Variants in MTSS1 observed in about 807,000 individuals in gnomAD.
The protein encoded by MTSS1 is protein MTSS 1.
A neutral mutation model predicts 79.0 loss-of-function variants in MTSS1; 18 were observed. That is an observed-to-expected ratio of 0.23 (90% CI 0.16 to 0.34). MTSS1 has a LOEUF of 0.34. MTSS1 is among the 10% of genes least tolerant of loss of function. MTSS1 has a pLI of 1.00. For missense variants in MTSS1, 815 were observed against 986.2 expected, an observed-to-expected ratio of 0.83 and a Z score of 2.33; for synonymous variants, 341 against 368.6, an observed-to-expected ratio of 0.93 and a Z score of 0.86.
In MTSS1 at chr8:124,565,848, G is replaced by A. The variant is rs138370168; in HGVS notation, c.727-89C>T. 891 of 1,120,034 alleles carry A rather than the reference G, an allele frequency of 8.0e-4. 12 individuals are homozygous for A. The East Asian group carries it at 0.018, about 23-fold the overall frequency. 69.4% of individuals were successfully genotyped at this position (1,120,034 alleles called of 1,614,324 possible). ...TTAACATCCACCAAAGCATCAAAACGCTGCCATCGTGGGGGTGGGAATGAA... is the reference window on the plus strand; with the variant it reads ...TTAACATCCACCAAAGCATCAAAACACTGCCATCGTGGGGGTGGGAATGAA... On this transcript the variant is annotated intron_variant, in intron 8 of 13. Transcript: ENST00000518547.
chr8:124,694,184 T>C (rs1166946760), intron 3 of MTSS1, among the ~76,000 whole-genome samples: 1 of 152,178 alleles, frequency 6.6e-6, no homozygotes, highest in African/African-American at 2.4e-5. Flanking sequence ...CCTGTAAGCC[T>C]GTGCCCTTAC....
At chr8:124,556,040 A>G in intron 12 of MTSS1, 136 bp from the exon 13 acceptor site, 1 of 1,540,970 alleles carries the variant, frequency 6.5e-7, no homozygotes, top group Non-Finnish European at 8.7e-7. Context: ...CTCTGACCCT[A>G]GAAAGTTCTG....
intron 9 of MTSS1, chr8:124,564,838 A>G (rs1826064985): frequency 6.6e-6 from 1 of 152,462 alleles, no homozygotes; most frequent in Non-Finnish European, 1.5e-5. Context: ...GTGAAAGGAA[A>G]TAGGCATCAG....
intron 9 of MTSS1, among the ~76,000 whole-genome samples, chr8:124,565,400 T>C (rs115948092): frequency 0.011 from 1,626 of 152,294 alleles, 33 homozygotes; most frequent in African/African-American, 0.038. Context: ...TCTCATAGAA[T>C]AGGAAAATCC....
At chr8:124,686,728 C>G (rs1320673131) in intron 3 of MTSS1, among the ~76,000 whole-genome samples, 5 of 152,138 alleles carry the variant, frequency 3.3e-5, no homozygotes, top group Non-Finnish European at 7.4e-5. Context: ...ATGCACAACA[C>G]GCCCCTCACA....
At chr8:124,677,418 T>C (rs12547754) in intron 3 of MTSS1, among the ~76,000 whole-genome samples, 24,126 of 152,232 alleles carry the variant, frequency 0.16, 2,158 homozygotes, top group Admixed American at 0.27. Context: ...CCTATGCCAC[T>C]GTAGCATAAA....
chr8:124,681,028 G>T (rs1045018104), intron 3 of MTSS1, among the ~76,000 whole-genome samples: 16 of 152,100 alleles, frequency 1.1e-4, no homozygotes, highest in African/African-American at 3.9e-4. Context: ...AGGATTAAGT[G>T]GTATAGCCCA....
At chr8:124,633,705 G>T (rs1427989860) in intron 3 of MTSS1, among the ~76,000 whole-genome samples, 1 of 151,920 alleles carries the variant, frequency 6.6e-6, no homozygotes, top group Non-Finnish European at 1.5e-5. Context: ...AGGAGGCGGA[G>T]GTTGCAGTGA....
chr8:124,592,955 A>C (rs111288514), intron 3 of MTSS1, among the ~76,000 whole-genome samples: 1 of 152,222 alleles, frequency 6.6e-6, no homozygotes, highest in African/African-American at 2.4e-5. Context: ...ACTCCTGTTG[A>C]AACCAGTGCT....
intron 13 of MTSS1, 103 bp downstream of exon 13, chr8:124,555,639 G>T (rs921952183): frequency 1.5e-6 from 2 of 1,316,510 alleles, no homozygotes; most frequent in Non-Finnish European, 2.0e-6. Flanking sequence ...ACACCTGTTA[G>T]TTAGCGAGTG....
At chr8:124,578,975 T>A (rs977868058) in intron 6 of MTSS1, among the ~76,000 whole-genome samples, 45 of 152,308 alleles carry the variant, frequency 3.0e-4, no homozygotes, top group African/African-American at 1.1e-3. Flanking sequence ...TCATATAGCT[T>A]TTCTTGTGTA....
intron 3 of MTSS1, among the ~76,000 whole-genome samples, chr8:124,634,345 C>T (rs764733541): frequency 3.3e-5 from 5 of 151,508 alleles, no homozygotes; most frequent in Non-Finnish European, 7.4e-5. Flanking sequence ...TGACATTTCA[C>T]CACATTGCCC....
intron 3 of MTSS1, among the ~76,000 whole-genome samples, chr8:124,676,563 C>T (rs748212170): frequency 6.6e-6 from 1 of 152,196 alleles, no homozygotes; most frequent in Admixed American, 6.5e-5. Context: ...AGAACGTGCT[C>T]AAATCTAAAC....
rs1459183647 is a variant in MTSS1 at position 124,553,543 on chromosome 8, G to C, written c.1717C>G (p.Leu573Val). ...QAKRPASTAG[L>V]PTTLGPAMVT... ...ATAGCAGGTCCCAGGGTGGTGGGGA[G>C]GCCAGCAGTTGAGGCTGGACGCTTG... The change falls in exon 14 of 14, where the codon CTC becomes GTC. Residue 573 changes from leucine (L) to valine (V), a missense_variant. Transcript: ENST00000518547. The surrounding 1 kb of genome is among the most constrained non-coding windows in gnomAD (Gnocchi z 6.0). 3.1e-6 allele frequency: 5 copies of C among 1,614,048 alleles called. No homozygotes were observed. The highest frequency in any genetic ancestry group is 4.2e-6 in the Non-Finnish European group (5 of 1,180,036).
chr8:124,692,055 A>G (rs1165676250), intron 3 of MTSS1, among the ~76,000 whole-genome samples: 1 of 147,238 alleles, frequency 6.8e-6, no homozygotes, highest in Non-Finnish European at 1.5e-5. Context: ...TTTGAGACAG[A>G]GTCTCACTCC....
At chr8:124,661,303 G>A (rs184587563) in intron 3 of MTSS1, among the ~76,000 whole-genome samples, 1 of 151,598 alleles carries the variant, frequency 6.6e-6, no homozygotes, top group Admixed American at 6.6e-5. Context: ...TGTTAGACGT[G>A]TCCCTTTATT....
In MTSS1 at chr8:124,587,243, C is replaced by T. The variant is rs910432812; in HGVS notation, c.386-2082G>A. ...GCATGCAGCAGATGCCTGACAAATACTCAGCCAATGAATGAGCCAAGTCAG... is the reference window on the plus strand; with the variant it reads ...GCATGCAGCAGATGCCTGACAAATATTCAGCCAATGAATGAGCCAAGTCAG... On this transcript the variant is annotated intron_variant, in intron 5 of 13. Transcript: ENST00000518547. 1.2e-4 allele frequency among the ~76,000 whole-genome samples: 19 copies of T among 152,298 alleles called. No individual in the cohort carries two copies. In the East Asian group the frequency reaches 3.5e-3, roughly 28 times the overall value.
chr8:124,565,526 A>C, intron 9 of MTSS1, 136 bp downstream of exon 9: 2 of 735,640 alleles, frequency 2.7e-6, no homozygotes, highest in East Asian at 2.8e-5. Context: ...AATTATTACC[A>C]TTCTTTCAGC....
At chr8:124,558,900 A>T (rs930076012) in intron 10 of MTSS1, 55 of 1,469,966 alleles carry the variant, frequency 3.7e-5, no homozygotes, top group Non-Finnish European at 4.9e-5. Context: ...AAAATATAAT[A>T]AATAAAAAAA....
Sources: allele counts gnomAD v4.1 joint callset (sites outside exome capture counted in the v4.1 genomes callset), GRCh38; gene constraint gnomAD v4.1.1; non-coding constraint Gnocchi (gnomAD v3.1); transcripts MANE v1.5; gene names NCBI Gene and HGNC (gene_info 2026-07-23, HGNC 2026-07-21).